Variants in NBPF11 observed in about 807,000 individuals in gnomAD.
NBPF11 encodes NBPF member 11, also known as NBPF family member NBPF11.
NBPF11 carries 72 observed loss-of-function variants against 93.9 expected under a neutral mutation model. The observed-to-expected ratio is 0.77, with a 90% CI of 0.63 to 0.93. The LOEUF (loss-of-function observed/expected upper bound fraction) is 0.93, where lower values mean the gene tolerates loss of function less well. NBPF11 is among the 40% of genes least tolerant of loss of function. The pLI is 0.00. For missense variants in NBPF11, 705 were observed against 802.2 expected, an observed-to-expected ratio of 0.88 and a Z score of 1.46; for synonymous variants, 224 against 304.9, an observed-to-expected ratio of 0.73 and a Z score of 2.76.
chr1:148,121,348 C>CTTTTTTTT (rs782740427), intron 9 of NBPF11, among the ~76,000 whole-genome samples: 3,519 of 124,504 alleles, frequency 0.028, 264 homozygotes, highest in East Asian at 0.051. Flanking sequence ...TGGTCAGAGA[C>CTTTTTTTT]TTTTTTTTTT....
chr1:148,146,582 C>T, intron 1 of NBPF11: 1 of 1,608,088 alleles, frequency 6.2e-7, no homozygotes, highest in Non-Finnish European at 8.5e-7. Flanking sequence ...TCGGGCGCAC[C>T]CGGGCGCTGG....
At chr1:148,127,889 C>T (rs1669490241) in intron 4 of NBPF11, among the ~76,000 whole-genome samples, 1 of 151,942 alleles carries the variant, frequency 6.6e-6, no homozygotes, top group Admixed American at 6.5e-5. Flanking sequence ...ATCTCCTGAC[C>T]TCGTGATCTG....
intron 1 of NBPF11, chr1:148,149,302 C>T (rs1327936256): frequency 6.3e-6 from 10 of 1,596,808 alleles, no homozygotes; most frequent in Middle Eastern, 2.2e-4. Context: ...TCGCCTTCCG[C>T]GACACCAAGA....
chr1:148,132,763 T>G, intron 4 of NBPF11, among the ~76,000 whole-genome samples: 1 of 69,512 alleles, frequency 1.4e-5, no homozygotes, highest in African/African-American at 7.5e-5. Flanking sequence ...TTTTTTTTTT[T>G]TTTTTTGAGA....
intron 15 of NBPF11, among the ~76,000 whole-genome samples, chr1:148,113,232 A>G (rs1298716447): frequency 8.6e-5 from 13 of 151,972 alleles, no homozygotes; most frequent in Non-Finnish European, 1.9e-4. Flanking sequence ...CCCATCTCAC[A>G]TGCAGAGACA....
At chr1:148,149,623 C>T (rs1174004926) in intron 1 of NBPF11, 16 of 1,506,558 alleles carry the variant, frequency 1.1e-5, no homozygotes, top group African/African-American at 5.7e-5. Context: ...CCTCACCCCG[C>T]GCCGGCCCCC....
intron 2 of NBPF11, among the ~76,000 whole-genome samples, chr1:148,140,872 T>G (rs1672053762): frequency 6.6e-6 from 1 of 151,664 alleles, no homozygotes; most frequent in South Asian, 2.1e-4. Flanking sequence ...TACAGCAATT[T>G]TATCATAATT....
intron 1 of NBPF11, among the ~76,000 whole-genome samples, chr1:148,145,201 CTTTTTTT>C (rs1190949525): frequency 2.4e-4 from 18 of 75,602 alleles, no homozygotes; most frequent in African/African-American, 5.8e-4. Context: ...TTTTTTCTTT[CTTTTTTT>C]TTTTTTTTTT....
chr1:148,126,752 T>C, intron 5 of NBPF11, 77 bp downstream of exon 5: 3 of 1,388,112 alleles, frequency 2.2e-6, no homozygotes, highest in African/African-American at 1.4e-5. Flanking sequence ...ACAGGAAGGA[T>C]GAAATTATTT....
At chr1:148,131,174 AAAG>A (rs1435930199) in intron 4 of NBPF11, among the ~76,000 whole-genome samples, 29 of 151,414 alleles carry the variant, frequency 1.9e-4, no homozygotes, top group African/African-American at 6.3e-4. Flanking sequence ...AAAAAAAAAA[AAAG>A]AAGCCAGTGC....
intron 1 of NBPF11, among the ~76,000 whole-genome samples, chr1:148,148,658 C>A (rs1399510687): frequency 6.6e-6 from 1 of 151,968 alleles, no homozygotes; most frequent in Admixed American, 6.5e-5. Context: ...TGGGTGGAGA[C>A]ATTTGGGGAC....
At chr1:148,116,936 T>C (rs1485078297) in intron 12 of NBPF11, among the ~76,000 whole-genome samples, 1 of 152,228 alleles carries the variant, frequency 6.6e-6, no homozygotes, top group African/African-American at 2.4e-5. Flanking sequence ...CAGTCCTCTA[T>C]GCATCAGAAG....
intron 12 of NBPF11, among the ~76,000 whole-genome samples, chr1:148,117,120 C>T (rs1376417993): frequency 2.0e-5 from 3 of 151,944 alleles, no homozygotes; most frequent in South Asian, 2.1e-4. Context: ...AGTGTTCCCA[C>T]ATTTGAATGC....
rs61812008 is a variant in NBPF11, at chr1:148,122,821, G to A, written c.494-20C>T. The A allele has an allele frequency of 5.7e-4, 912 of 1,602,040 alleles. 18 individuals carry two copies. The highest frequency in any genetic ancestry group is 4.5e-3 in the Middle Eastern group (20 of 4,474). On this transcript the variant is annotated intron_variant, in intron 7 of 23. Transcript: ENST00000682118. ...CATTTTCTATAAATACAAAATGTTC[G>A]TTCAGATATTTCCCACTTCACATTC...
In NBPF11 at chr1:148,151,851, C is replaced by G. The variant is rs1387131547; in HGVS notation, c.-650G>C. On this transcript the variant is annotated 5_prime_UTR_variant, in exon 1 of 24. Transcript: ENST00000682118. ...CCCGCTCCTGGCGCCGCAGGTCGCC[C>G]GTCCCGCGTTCCCAAAATCACCAGG... The G allele has an allele frequency of 1.3e-5, 2 of 152,304 alleles. No homozygotes were observed. Among genetic ancestry groups the G allele is most frequent in the Admixed American group, 6.5e-5 (1 of 15,288 alleles). 9.4% of individuals were successfully genotyped at this position (152,304 alleles called of 1,614,324 possible). A position where few individuals can be genotyped will look rare whatever the true frequency, so the allele number is the denominator to read the frequency against.
intron 5 of NBPF11, among the ~76,000 whole-genome samples, chr1:148,125,697 T>G (rs1668955149): frequency 6.6e-6 from 1 of 152,038 alleles, no homozygotes; most frequent in South Asian, 2.1e-4. Context: ...CTGTGCCAAT[T>G]AATGTTCAAG....
intron 7 of NBPF11, among the ~76,000 whole-genome samples, chr1:148,123,622 G>A (rs1178839926): frequency 1.5e-4 from 23 of 151,812 alleles, no homozygotes; most frequent in Middle Eastern, 3.4e-3. Context: ...GCTGCCTCTT[G>A]CTCCAAAGAC....
intron 15 of NBPF11, among the ~76,000 whole-genome samples, chr1:148,111,560 T>G (rs1373578901): frequency 6.6e-6 from 1 of 151,314 alleles, no homozygotes; most frequent in Non-Finnish European, 1.5e-5. Context: ...AGACCTTAAA[T>G]GACCTGATGG....
intron 16 of NBPF11, 107 bp downstream of exon 16, chr1:148,110,271 A>G: frequency 3.4e-6 from 5 of 1,453,934 alleles, no homozygotes; most frequent in Admixed American, 3.4e-5. Context: ...GGTTCAGCCC[A>G]CAGTGATGGC....
Sources: gnomAD v4.1 joint callset for allele counts (sites outside exome capture counted in the v4.1 genomes callset) on GRCh38, gnomAD v4.1.1 for gene constraint, MANE v1.5 for transcripts, NCBI Gene and HGNC (gene_info 2026-07-23, HGNC 2026-07-21) for gene names.